CPNE8: variants seen among roughly 807,000 people sequenced by gnomAD.
The protein encoded by CPNE8 is copine 8.
Under a neutral mutation model 81.5 loss-of-function variants are expected in CPNE8, and 45 were observed. The observed-to-expected ratio is 0.55, with a 90% CI of 0.44 to 0.71. The LOEUF (loss-of-function observed/expected upper bound fraction) is 0.71, where lower values mean the gene tolerates loss of function less well. CPNE8 is among the 30% of genes least tolerant of loss of function. The pLI is 0.00. For missense variants in CPNE8, 594 were observed against 672.1 expected (o/e 0.88, Z 1.28); for synonymous variants, 252 against 226.3 (o/e 1.11, Z -1.02).
chr12:38,760,987 A>G (rs1941560904), intron 9 of CPNE8, 99 bp from the exon 10 acceptor site: 1 of 876,382 alleles, frequency 1.1e-6, no homozygotes, highest in African/African-American at 1.8e-5. Context: ...AGATAAAACA[A>G]TGTATGCTTG....
intron 6 of CPNE8, among the ~76,000 whole-genome samples, chr12:38,803,700 A>G (rs1411470157): frequency 1.3e-5 from 2 of 150,602 alleles, no homozygotes; most frequent in Admixed American, 6.7e-5. Context: ...TTCAATTAGG[A>G]AAAAAAGGAA....
intron 6 of CPNE8, among the ~76,000 whole-genome samples, chr12:38,778,805 ATGTC>A (rs1941987401): frequency 1.3e-5 from 2 of 152,218 alleles, no homozygotes; most frequent in Non-Finnish European, 2.9e-5. Flanking sequence ...ACAGAGTTAA[ATGTC>A]TGTATACAGC....
At chr12:38,845,603 A>AATATATAT (rs10688139) in intron 4 of CPNE8, among the ~76,000 whole-genome samples, 1 of 150,628 alleles carries the variant, frequency 6.6e-6, no homozygotes, top group African/African-American at 2.4e-5. Context: ...TCACAGGTAT[A>AATATATAT]ATATATATAT....
intron 3 of CPNE8, among the ~76,000 whole-genome samples, chr12:38,862,957 A>T (rs1943860464): frequency 6.6e-6 from 1 of 152,152 alleles, no homozygotes. Context: ...TCAAAAAAGA[A>T]ATAAAAGATC....
chr12:38,807,789 A>C (rs1434629640), intron 6 of CPNE8, among the ~76,000 whole-genome samples: 1 of 151,934 alleles, frequency 6.6e-6, no homozygotes, highest in Non-Finnish European at 1.5e-5. Context: ...GCACAGCAAA[A>C]GAAACTGCCA....
intron 13 of CPNE8, among the ~76,000 whole-genome samples, chr12:38,711,290 G>C (rs968100564): frequency 1.3e-5 from 2 of 152,138 alleles, no homozygotes; most frequent in Admixed American, 6.6e-5. Flanking sequence ...AATACCAATA[G>C]AGTGTCAATA....
Position 38,905,475 on chromosome 12 carries a change from G to A in CPNE8, c.60C>T (p.Ala20=). 6.3e-7 allele frequency: 1 copy of A among 1,575,880 alleles called. No individual in the cohort carries two copies. The highest frequency in any genetic ancestry group is 8.6e-7 in the Non-Finnish European group (1 of 1,160,680). ...ACACCTCCACCCGCGTGGCCGGGAT[G>A]GCAGCGCTCAGCTGGTTCAAGTCCC... ...GIGDLNQLSA[A]IPATRVEVSV... Residue 20 remains alanine (A), a synonymous_variant, in exon 1 of 20, where the codon GCC becomes GCT. Coordinates refer to ENST00000331366, the MANE Select transcript of CPNE8 (RefSeq NM_153634.3).
At chr12:38,756,943 T>C (rs184546437) in intron 10 of CPNE8, among the ~76,000 whole-genome samples, 9 of 152,300 alleles carry the variant, frequency 5.9e-5, no homozygotes, top group Admixed American at 1.3e-4. Flanking sequence ...CTTAGTAATT[T>C]TGTATTGATT....
intron 1 of CPNE8, among the ~76,000 whole-genome samples, chr12:38,890,651 C>T (rs1944301287): frequency 6.6e-6 from 1 of 152,044 alleles, no homozygotes; most frequent in African/African-American, 2.4e-5. Flanking sequence ...CACCAAACAG[C>T]TCTTCTTACC....
intron 15 of CPNE8, among the ~76,000 whole-genome samples, chr12:38,690,689 A>G (rs1185462457): frequency 1.3e-5 from 2 of 152,258 alleles, no homozygotes; most frequent in South Asian, 4.1e-4. Context: ...AGTGGAGGGG[A>G]GGAAAAAGGA....
At chr12:38,796,180 G>A (rs952021131) in intron 6 of CPNE8, among the ~76,000 whole-genome samples, 1 of 152,082 alleles carries the variant, frequency 6.6e-6, no homozygotes. Context: ...CCAGCTACTT[G>A]GGAGGCTAAG....
At chr12:38,892,167 A>C (rs554987908) in intron 1 of CPNE8, among the ~76,000 whole-genome samples, 1 of 152,206 alleles carries the variant, frequency 6.6e-6, no homozygotes, top group Non-Finnish European at 1.5e-5. Context: ...ACAAGGGTGG[A>C]GAAAGGGAAG....
intron 19 of CPNE8, among the ~76,000 whole-genome samples, chr12:38,667,323 C>T (rs1019554488): frequency 6.6e-5 from 10 of 152,114 alleles, no homozygotes; most frequent in Non-Finnish European, 1.2e-4. Context: ...CACTTGCAAC[C>T]CCACTATTCT....
chr12:38,847,340 G>A (rs1943576299), intron 4 of CPNE8, among the ~76,000 whole-genome samples: 1 of 152,092 alleles, frequency 6.6e-6, no homozygotes, highest in Non-Finnish European at 1.5e-5. Context: ...CCATGCTGGT[G>A]TAAAAGAAAA....
intron 19 of CPNE8, among the ~76,000 whole-genome samples, chr12:38,666,420 G>GACAA (rs1939057328): frequency 6.6e-6 from 1 of 152,066 alleles, no homozygotes; most frequent in Non-Finnish European, 1.5e-5. Flanking sequence ...ATAACTATGA[G>GACAA]ACAAACAATG....
At chr12:38,823,845 G>C (rs1943147678) in intron 6 of CPNE8, among the ~76,000 whole-genome samples, 1 of 152,130 alleles carries the variant, frequency 6.6e-6, no homozygotes, top group South Asian at 2.1e-4. Context: ...ACGACTCTTT[G>C]ACAGCATCAC....
At chr12:38,671,620 T>C (rs1939177875) in intron 18 of CPNE8, among the ~76,000 whole-genome samples, 1 of 152,126 alleles carries the variant, frequency 6.6e-6, no homozygotes, top group African/African-American at 2.4e-5. Flanking sequence ...ATAATTCATT[T>C]TGTATACACA....
In CPNE8 at chr12:38,853,185, A is replaced by G. The variant is rs530952599; in HGVS notation, c.187-4523T>C. On this transcript the variant is annotated intron_variant, in intron 3 of 19. Transcript: ENST00000331366. ...CTTTTTGACTTGAAGTAAAATTTAC[A>G]TCTTAGCTAATGTCTTATGCTACTA... Among the ~76,000 whole-genome samples, 4 of 152,316 alleles carry G rather than the reference A, an allele frequency of 2.6e-5. No individual in the cohort carries two copies. The East Asian group carries it at 7.7e-4, about 29-fold the overall frequency.
chr12:38,799,915 G>A (rs558379505), intron 6 of CPNE8, among the ~76,000 whole-genome samples: 3 of 151,654 alleles, frequency 2.0e-5, no homozygotes, highest in South Asian at 2.1e-4. Context: ...TGGAAAATCG[G>A]GTCACTCCCA....
Sources: allele counts gnomAD v4.1 joint callset (sites outside exome capture counted in the v4.1 genomes callset), GRCh38; gene constraint gnomAD v4.1.1; transcripts MANE v1.5; gene names NCBI Gene and HGNC (gene_info 2026-07-23, HGNC 2026-07-21).